ARFGAP3: variants seen among roughly 807,000 people sequenced by gnomAD.
ARFGAP3 encodes ARF GTPase activating protein 3.
A neutral mutation model predicts 75.0 loss-of-function variants in ARFGAP3; 72 were observed. That is an observed-to-expected ratio of 0.96 (90% CI 0.79 to 1.17). The LOEUF (loss-of-function observed/expected upper bound fraction) is 1.17. ARFGAP3 is among the 50% of genes most tolerant of loss of function. The pLI, the probability that ARFGAP3 is intolerant of heterozygous loss-of-function variation, is 0.00. For synonymous variants in ARFGAP3, 221 were observed against 217.9 expected, an observed-to-expected ratio of 1.01 and a Z score of -0.13; for missense variants, 620 against 626.6, an observed-to-expected ratio of 0.99 and a Z score of 0.11.
At position 42,804,188 on chromosome 22, in the gene ARFGAP3, C is replaced by T. The variant is rs139226157; in HGVS notation, c.1411+2885G>A. On this transcript the variant is annotated intron_variant, in intron 14 of 15. Coordinates refer to ENST00000263245, the MANE Select transcript of ARFGAP3 (RefSeq NM_014570.5). ...CAAAGTGCTGGATTATAGGGGTGAG[C>T]CACCAAGCAGAATAGTTTCTTTTTT... Among the ~76,000 whole-genome samples the T allele has an allele frequency of 1.6e-3, 246 of 151,476 alleles. 2 individuals carry two copies. The highest frequency in any genetic ancestry group is 5.7e-3 in the African/African-American group (236 of 41,274).
chr22:42,829,374 C>G (rs1926185810), intron 6 of ARFGAP3, among the ~76,000 whole-genome samples: 1 of 152,166 alleles, frequency 6.6e-6, no homozygotes, highest in Admixed American at 6.5e-5. Flanking sequence ...CCAATCAAGG[C>G]AGAGCCACAC....
At position 42,857,238 on chromosome 22, in the gene ARFGAP3, A is replaced by T; in HGVS notation, c.-56T>A. ...CAGCCAACCGGTAAGAGTCGACGAA[A>T]AGCGGCTACCGCCTCAGCAGGAGCG... On this transcript the variant is annotated 5_prime_UTR_variant, in exon 1 of 16. Transcript: ENST00000263245. 1 of 1,488,596 alleles carries T rather than the reference A, an allele frequency of 6.7e-7. No homozygotes were observed. Among genetic ancestry groups the T allele is most frequent in the Non-Finnish European group, 9.0e-7 (1 of 1,114,744 alleles). 92.2% of individuals were successfully genotyped at this position (1,488,596 alleles called of 1,614,324 possible). A position where few individuals can be genotyped will look rare whatever the true frequency, so the allele number is the denominator to read the frequency against.
chr22:42,821,148 G>T (rs1925795707), intron 9 of ARFGAP3, among the ~76,000 whole-genome samples: 1 of 152,142 alleles, frequency 6.6e-6, no homozygotes, highest in Non-Finnish European at 1.5e-5. Context: ...GACACGACCA[G>T]AGCCATAGTC....
chr22:42,799,061 T>C lies in ARFGAP3; in HGVS notation c.1511A>G (p.Asn504Ser), dbSNP rs374696317. 25 of 1,614,086 alleles carry C rather than the reference T, an allele frequency of 1.5e-5. No homozygotes were observed. The highest frequency in any genetic ancestry group is 2.1e-5 in the Non-Finnish European group (25 of 1,180,046). Residue 504 changes from asparagine to serine, a missense_variant, in exon 15 of 16, where the codon AAT becomes AGT. Coordinates refer to ENST00000263245, the MANE Select transcript of ARFGAP3 (RefSeq NM_014570.5). Reference protein sequence around the residue: ...SVAGKLSVFANGVVTSIQDRY... With the variant: ...SVAGKLSVFASGVVTSIQDRY... ...GACCTGAATTGAAGTCACGACTCCA[T>C]TAGCAAAGACGGAGAGTTTTCCAGC...
At chr22:42,853,476 C>A (rs919106106) in intron 1 of ARFGAP3, 3 of 219,792 alleles carry the variant, frequency 1.4e-5, no homozygotes, top group Non-Finnish European at 2.0e-5. Context: ...CTAGGAAGAC[C>A]TCATCAAGGT....
rs371564152 is a variant in ARFGAP3, at chr22:42,856,326, C to G, written c.69+788G>C. Among the ~76,000 whole-genome samples, 727 of 152,256 alleles carry G rather than the reference C, an allele frequency of 4.8e-3. 4 individuals are homozygous for G. Among genetic ancestry groups the G allele is most frequent in the African/African-American group, 0.017 (709 of 41,544 alleles). Reference sequence around the variant, plus strand: ...TCGGGAAGTGACAGTGGGAACCAGACAACACTCGTGTCACAGGAGGGGCGG... The same window carrying G: ...TCGGGAAGTGACAGTGGGAACCAGAGAACACTCGTGTCACAGGAGGGGCGG... On this transcript the variant is annotated intron_variant, in intron 1 of 15. Coordinates refer to ENST00000263245, the MANE Select transcript of ARFGAP3 (RefSeq NM_014570.5).
chr22:42,822,923 C>T (rs1440178852), intron 8 of ARFGAP3, among the ~76,000 whole-genome samples: 1 of 152,110 alleles, frequency 6.6e-6, no homozygotes, highest in East Asian at 1.9e-4. Flanking sequence ...GATCCTCCCA[C>T]CTTAGTATCC....
chr22:42,810,292 C>T (rs1403970006), intron 12 of ARFGAP3, among the ~76,000 whole-genome samples: 3 of 151,898 alleles, frequency 2.0e-5, no homozygotes, highest in Admixed American at 1.3e-4. Context: ...GTGAGGCAAC[C>T]GTCTCTACTA....
intron 3 of ARFGAP3, among the ~76,000 whole-genome samples, chr22:42,839,447 A>C (rs1926682052): frequency 6.6e-6 from 1 of 151,864 alleles, no homozygotes; most frequent in Non-Finnish European, 1.5e-5. Context: ...AAAAATACCA[A>C]AAAATCCAGG....
At chr22:42,812,487 C>T (rs1925410821) in intron 11 of ARFGAP3, among the ~76,000 whole-genome samples, 1 of 151,988 alleles carries the variant, frequency 6.6e-6, no homozygotes, top group African/African-American at 2.4e-5. Context: ...AAGCTCCGTG[C>T]TATAAGGAGT....
rs763107930 is a variant in ARFGAP3, at chr22:42,835,452, G to A, written c.303C>T (p.Thr101=). The change falls in exon 4 of 16, where the codon ACC becomes ACT. Residue 101 remains threonine, a synonymous_variant. Coordinates refer to ENST00000263245, the MANE Select transcript of ARFGAP3 (RefSeq NM_014570.5). ...FHQHGCSTND[T]NAKYNSRAAQ... Reference sequence around the variant, plus strand: ...CAGCACGACTGTTGTACTTGGCATTGGTGTCATTGGTGGAACACCCATGTT... The same window carrying A: ...CAGCACGACTGTTGTACTTGGCATTAGTGTCATTGGTGGAACACCCATGTT... 16 of 1,614,068 alleles carry A rather than the reference G, an allele frequency of 9.9e-6. No homozygotes were observed. The South Asian group carries it at 1.8e-4, about 18-fold the overall frequency.
chr22:42,821,798 G>C (rs925557890), intron 9 of ARFGAP3, among the ~76,000 whole-genome samples: 1 of 152,116 alleles, frequency 6.6e-6, no homozygotes, highest in African/African-American at 2.4e-5. Flanking sequence ...TTAACTTTCT[G>C]AAGGACTGCC....
At chr22:42,813,584 C>G (rs73886143) in intron 11 of ARFGAP3, among the ~76,000 whole-genome samples, 239 of 152,354 alleles carry the variant, frequency 1.6e-3, no homozygotes, top group African/African-American at 5.6e-3. Context: ...AGAAGAGAGA[C>G]AGCCATCGGC....
chr22:42,832,177 AAC>A (rs202182216), intron 5 of ARFGAP3, among the ~76,000 whole-genome samples: 1,835 of 144,628 alleles, frequency 0.013, 22 homozygotes, highest in South Asian at 0.02. Context: ...AAAAAAAAAA[AAC>A]CCAAAAAACA....
At chr22:42,806,345 C>T (rs1036086467) in intron 14 of ARFGAP3, among the ~76,000 whole-genome samples, 1 of 152,104 alleles carries the variant, frequency 6.6e-6, no homozygotes, top group African/African-American at 2.4e-5. Context: ...GAAGTCGAAG[C>T]AGAGGGGCCG....
chr22:42,810,809 A>G lies in ARFGAP3; in HGVS notation c.1196+4T>C. The G allele has an allele frequency of 6.2e-7, 1 of 1,612,562 alleles. No homozygotes were observed. On this transcript the variant is annotated splice_donor_region_variant and intron_variant, in intron 12 of 15. Coordinates refer to ENST00000263245, the MANE Select transcript of ARFGAP3 (RefSeq NM_014570.5). ...ACTACAACCCCACAGTTTTGCATTC[A>G]TACCTGTCTGAATAGCCTGTGGTTT...
At chr22:42,840,409 C>CT (rs1926727382) in intron 3 of ARFGAP3, among the ~76,000 whole-genome samples, 2 of 152,006 alleles carry the variant, frequency 1.3e-5, no homozygotes, top group South Asian at 4.2e-4. Context: ...GTATTGAACT[C>CT]TTTTTGTTTG....
At chr22:42,836,648 C>T (rs534448351) in intron 3 of ARFGAP3, among the ~76,000 whole-genome samples, 1 of 152,268 alleles carries the variant, frequency 6.6e-6, no homozygotes, top group South Asian at 2.1e-4. Flanking sequence ...TTATAGAATT[C>T]ATATCTTAAT....
At chr22:42,838,906 C>G (rs188072259) in intron 3 of ARFGAP3, among the ~76,000 whole-genome samples, 1 of 151,610 alleles carries the variant, frequency 6.6e-6, no homozygotes, top group Admixed American at 6.6e-5. Context: ...GTCAGGTGAT[C>G]GAGACCATCC....
Sources: allele counts gnomAD v4.1 joint callset (sites outside exome capture counted in the v4.1 genomes callset), GRCh38; gene constraint gnomAD v4.1.1; transcripts MANE v1.5; gene names NCBI Gene and HGNC (gene_info 2026-07-23, HGNC 2026-07-21).